Variants in ARK2C observed in about 807,000 individuals in gnomAD.
ARK2C encodes the protein arkadia (RNF111) C-terminal like ring finger ubiquitin ligase 2C, also known as E3 ubiquitin-protein ligase ARK2C.
At chr18:46,336,375 C>CA in the ARK2C span, 2 of 972,418 alleles carry the variant, frequency 2.1e-6, no homozygotes, top group Non-Finnish European at 2.4e-6. Flanking sequence ...TCTCCCTCAC[C>CA]CCCCCCAACA....
chr18:46,340,210 G>C, the ARK2C span, among the ~76,000 whole-genome samples: 1 of 152,176 alleles, frequency 6.6e-6, no homozygotes, highest in South Asian at 2.1e-4. Context: ...GTATGGTTTA[G>C]CTACAGATAA....
the ARK2C span, among the ~76,000 whole-genome samples, chr18:46,350,524 G>A: frequency 1.6e-4 from 25 of 152,284 alleles, 1 homozygote; most frequent in South Asian, 5.2e-3. Context: ...GCATGGTCAG[G>A]AGCGCCCCCA....
the ARK2C span, among the ~76,000 whole-genome samples, chr18:46,380,563 C>G: frequency 7.2e-5 from 11 of 152,296 alleles, no homozygotes; most frequent in Admixed American, 7.2e-4. Context: ...TCCTCAGGTC[C>G]TAGTGCTTCA....
At chr18:46,376,098 T>C in the ARK2C span, among the ~76,000 whole-genome samples, 1 of 152,216 alleles carries the variant, frequency 6.6e-6, no homozygotes, top group Non-Finnish European at 1.5e-5. Context: ...GCTCTGAGTG[T>C]CACCCTCACC....
At chr18:46,366,475 A>G in the ARK2C span, among the ~76,000 whole-genome samples, 1 of 152,106 alleles carries the variant, frequency 6.6e-6, no homozygotes, top group Non-Finnish European at 1.5e-5. Context: ...CTGCACTCAG[A>G]TACTCATTTT....
At chr18:46,414,213 G>T in the ARK2C span, among the ~76,000 whole-genome samples, 1 of 152,234 alleles carries the variant, frequency 6.6e-6, no homozygotes, top group Non-Finnish European at 1.5e-5. Context: ...TGATTAAGAC[G>T]GGACCTGAAC....
At chr18:46,387,548 C>T in the ARK2C span, among the ~76,000 whole-genome samples, 1 of 152,246 alleles carries the variant, frequency 6.6e-6, no homozygotes, top group Admixed American at 6.5e-5. Flanking sequence ...ATGTGGAAGT[C>T]CCTGTGCTTC....
At chr18:46,456,209 T>A in the ARK2C span, 14 of 673,940 alleles carry the variant, frequency 2.1e-5, no homozygotes, top group African/African-American at 1.1e-4. Context: ...TGCTATAATG[T>A]GCTTCATGGT....
At chr18:46,443,555 G>C in the ARK2C span, among the ~76,000 whole-genome samples, 5 of 152,098 alleles carry the variant, frequency 3.3e-5, no homozygotes, top group Non-Finnish European at 7.4e-5. Flanking sequence ...GCAAATTATG[G>C]CCTGTGAATC....
At chr18:46,404,807 C>T in the ARK2C span, among the ~76,000 whole-genome samples, 1 of 149,942 alleles carries the variant, frequency 6.7e-6, no homozygotes, top group Non-Finnish European at 1.5e-5. Context: ...CACAACAACC[C>T]CCCCACCAAA....
the ARK2C span, among the ~76,000 whole-genome samples, chr18:46,420,169 T>A: frequency 2.6e-5 from 4 of 152,150 alleles, no homozygotes; most frequent in Admixed American, 2.6e-4. Context: ...CCATTAGAAC[T>A]TCATAGCACC....
the ARK2C span, among the ~76,000 whole-genome samples, chr18:46,397,114 G>T: frequency 2.0e-5 from 3 of 152,222 alleles, no homozygotes; most frequent in South Asian, 2.1e-4. Context: ...CCCAGGCTTG[G>T]TGTTGTCTGG....
At chr18:46,364,285 T>A in the ARK2C span, among the ~76,000 whole-genome samples, 1 of 152,018 alleles carries the variant, frequency 6.6e-6, no homozygotes, top group Non-Finnish European at 1.5e-5. Context: ...TTTTCTGGGA[T>A]CTTCCTGCCC....
chr18:46,459,576 T>G, the ARK2C span: 3 of 152,224 alleles, frequency 2.0e-5, no homozygotes, highest in Non-Finnish European at 4.4e-5. Context: ...AGAGGGAAGC[T>G]GCTTACTTTG....
At chr18:46,390,492 T>C in the ARK2C span, among the ~76,000 whole-genome samples, 1 of 152,246 alleles carries the variant, frequency 6.6e-6, no homozygotes, top group South Asian at 2.1e-4. Flanking sequence ...GTGTGACTCA[T>C]TTCTCAGAAG....
chr18:46,385,847 C>T, the ARK2C span: 3 of 152,168 alleles, frequency 2.0e-5, no homozygotes, highest in Non-Finnish European at 4.4e-5. Context: ...TCAGCTGAGC[C>T]TGGTGAGGTA....
chr18:46,424,556 G>A, the ARK2C span, among the ~76,000 whole-genome samples: 1 of 152,208 alleles, frequency 6.6e-6, no homozygotes, highest in Admixed American at 6.5e-5. Context: ...TCCAGCTCTA[G>A]GACCCTGGCG....
the ARK2C span, among the ~76,000 whole-genome samples, chr18:46,345,852 T>C: frequency 2.6e-5 from 4 of 152,264 alleles, no homozygotes; most frequent in African/African-American, 7.2e-5. Flanking sequence ...TTTGGGTCCA[T>C]CCAGGGGTGA....
At chr18:46,340,582 A>G in the ARK2C span, among the ~76,000 whole-genome samples, 1 of 152,354 alleles carries the variant, frequency 6.6e-6, no homozygotes, top group East Asian at 1.9e-4. Context: ...CACGAATGGC[A>G]GAACGTCCTG....
Sources: allele counts gnomAD v4.1 joint callset (sites outside exome capture counted in the v4.1 genomes callset), GRCh38; gene constraint gnomAD v4.1.1; transcripts MANE v1.5; gene names NCBI Gene and HGNC (gene_info 2026-07-23, HGNC 2026-07-21).